The following GRM5 variants were observed in gnomAD, a reference collection of about 807,000 sequenced individuals.
The protein encoded by GRM5 is metabotropic glutamate receptor 5.
Under a neutral mutation model 83.1 loss-of-function variants are expected in GRM5, and 19 were observed. That is an observed-to-expected ratio of 0.23 (90% CI 0.16 to 0.34). The LOEUF is 0.34. Ranked by LOEUF, GRM5 falls within the 10% of genes least tolerant of loss-of-function variation. The pLI is 1.00. For missense variants in GRM5, 1,160 were observed against 1,588.3 expected (o/e 0.73, Z 4.58); for synonymous variants, 675 against 633.6 (o/e 1.07, Z -0.98).
chr11:88,924,416 A>T (rs661626), intron 2 of GRM5, among the ~76,000 whole-genome samples: 5 of 151,976 alleles, frequency 3.3e-5, no homozygotes, highest in South Asian at 2.1e-4. Flanking sequence ...AGTGTCCATC[A>T]GTGGATAAAT....
chr11:89,063,673 C>G (rs1366862788), intron 1 of GRM5: 3 of 152,232 alleles, frequency 2.0e-5, no homozygotes, highest in Admixed American at 2.0e-4. Flanking sequence ...CAGCAATCTC[C>G]CCGCTACTGA....
intron 1 of GRM5, among the ~76,000 whole-genome samples, chr11:89,059,835 A>C (rs568936988): frequency 1.3e-5 from 2 of 152,072 alleles, no homozygotes; most frequent in African/African-American, 4.8e-5. Flanking sequence ...GGTTTGTTAC[A>C]TATGTCTATG....
intron 4 of GRM5, among the ~76,000 whole-genome samples, chr11:88,611,478 C>G (rs907511177): frequency 1.3e-5 from 2 of 152,148 alleles, no homozygotes; most frequent in Admixed American, 6.6e-5. Context: ...ACCTATTTCT[C>G]CTAGGTTTTC....
chr11:88,612,551 C>T (rs1938352982), intron 4 of GRM5, among the ~76,000 whole-genome samples: 1 of 152,182 alleles, frequency 6.6e-6, no homozygotes, highest in Non-Finnish European at 1.5e-5. Flanking sequence ...ACACTGACTT[C>T]CACAATGGTT....
At chr11:88,617,891 G>A (rs1386774498) in intron 4 of GRM5, among the ~76,000 whole-genome samples, 2 of 152,184 alleles carry the variant, frequency 1.3e-5, no homozygotes, top group Non-Finnish European at 2.9e-5. Flanking sequence ...GCTGGAACCT[G>A]GAGTGGGACA....
intron 2 of GRM5, among the ~76,000 whole-genome samples, chr11:88,871,002 G>A (rs316083): frequency 0.76 from 115,285 of 151,470 alleles, 44,677 homozygotes; most frequent in East Asian, 0.99. Context: ...TGTGACCACT[G>A]TACATTATAT....
chr11:88,724,680 G>A (rs753238974), intron 3 of GRM5, among the ~76,000 whole-genome samples: 83 of 152,168 alleles, frequency 5.5e-4, no homozygotes, highest in Non-Finnish European at 8.7e-4. Context: ...GCAGGTGGGT[G>A]ATTTCTGCAT....
At chr11:88,970,642 A>G (rs190826468) in intron 2 of GRM5, among the ~76,000 whole-genome samples, 14 of 152,322 alleles carry the variant, frequency 9.2e-5, no homozygotes, top group Admixed American at 9.2e-4. Context: ...GGGACAGAGA[A>G]CAGCATGTCA....
chr11:88,941,258 C>A (rs1938078780), intron 2 of GRM5, among the ~76,000 whole-genome samples: 1 of 151,278 alleles, frequency 6.6e-6, no homozygotes, highest in South Asian at 2.1e-4. Context: ...ACACAGAGGT[C>A]AGTTTAAAGG....
At chr11:88,998,110 AGAAGGAAG>A (rs563760696) in intron 2 of GRM5, among the ~76,000 whole-genome samples, 1 of 151,200 alleles carries the variant, frequency 6.6e-6, no homozygotes, top group African/African-American at 2.4e-5. Flanking sequence ...CGAGCAGTAA[AGAAGGAAG>A]GAAGGAAGGA....
chr11:88,674,215 A>T (rs913924245), intron 3 of GRM5, among the ~76,000 whole-genome samples: 3 of 151,884 alleles, frequency 2.0e-5, no homozygotes, highest in South Asian at 4.1e-4. Flanking sequence ...TTCTATAGTA[A>T]CAAATTCTCC....
At chr11:88,558,693 T>C (rs1942683173) in intron 8 of GRM5, among the ~76,000 whole-genome samples, 2 of 147,168 alleles carry the variant, frequency 1.4e-5, no homozygotes, top group South Asian at 4.3e-4. Context: ...TCCCACAACT[T>C]GGGAGGCTGA....
chr11:88,509,969 G>A (rs1941320178), intron 9 of GRM5, among the ~76,000 whole-genome samples: 1 of 152,168 alleles, frequency 6.6e-6, no homozygotes, highest in Admixed American at 6.5e-5. Context: ...AGAGAGGAGG[G>A]AAGGGGTAAG....
At chr11:88,844,995 A>C (rs1380563265) in intron 3 of GRM5, among the ~76,000 whole-genome samples, 1 of 152,254 alleles carries the variant, frequency 6.6e-6, no homozygotes, top group Admixed American at 6.5e-5. Flanking sequence ...TGAAATGACA[A>C]CAAAGAATTT....
At chr11:88,829,743 T>C (rs1943953700) in intron 3 of GRM5, among the ~76,000 whole-genome samples, 1 of 152,102 alleles carries the variant, frequency 6.6e-6, no homozygotes, top group South Asian at 2.1e-4. Flanking sequence ...TGAATAAAGA[T>C]ACAAAACAAG....
intron 4 of GRM5, among the ~76,000 whole-genome samples, chr11:88,630,483 C>T (rs1265417703): frequency 1.3e-5 from 2 of 150,846 alleles, no homozygotes; most frequent in African/African-American, 2.4e-5. Context: ...GCCTTGTATT[C>T]CACTCCAGGG....
intron 1 of GRM5, among the ~76,000 whole-genome samples, chr11:89,056,070 T>C (rs1399405579): frequency 4.6e-5 from 7 of 152,210 alleles, no homozygotes; most frequent in African/African-American, 1.7e-4. Context: ...TAATTATTCC[T>C]TATTGTTAGA....
intron 2 of GRM5, among the ~76,000 whole-genome samples, chr11:89,000,339 A>G (rs1940336688): frequency 6.6e-6 from 1 of 152,196 alleles, no homozygotes; most frequent in Non-Finnish European, 1.5e-5. Context: ...ACAATAGTCC[A>G]CAATATGTTA....
chr11:88,767,191 G>A (rs1204950194), intron 3 of GRM5, among the ~76,000 whole-genome samples: 1 of 151,918 alleles, frequency 6.6e-6, no homozygotes, highest in Non-Finnish European at 1.5e-5. Context: ...AAAGATGCTG[G>A]TGAAGTTGCA....
Sources: gnomAD v4.1 joint callset for allele counts (sites outside exome capture counted in the v4.1 genomes callset) on GRCh38, gnomAD v4.1.1 for gene constraint, MANE v1.5 for transcripts, NCBI Gene and HGNC (gene_info 2026-07-23, HGNC 2026-07-21) for gene names.